TBC1D8: variants seen among roughly 807,000 people sequenced by gnomAD.
TBC1D8 encodes the protein BUB2-like protein 1.
In TBC1D8, 65 loss-of-function variants were observed where a neutral mutation model predicts 118.8. The observed-to-expected ratio is 0.55, with a 90% confidence interval of 0.45 to 0.67. The LOEUF (loss-of-function observed/expected upper bound fraction) is 0.67, where lower values mean the gene tolerates loss of function less well. Ranked by LOEUF, TBC1D8 falls within the 30% of genes least tolerant of loss-of-function variation. TBC1D8 has a pLI of 0.00. For missense variants in TBC1D8, 1,376 were observed against 1,471.2 expected (o/e 0.94, Z 1.06); for synonymous variants, 566 against 595.8 (o/e 0.95, Z 0.73).
chr2:101,008,337 A>AACAT, intron 19 of TBC1D8, 64 bp from the exon 20 acceptor site: 7 of 1,290,112 alleles, frequency 5.4e-6, no homozygotes, highest in Non-Finnish European at 6.2e-6. Flanking sequence ...TTTTTTTTTA[A>AACAT]ACATACCTGT....
At chr2:101,137,215 T>A (rs1271325559) in intron 1 of TBC1D8, among the ~76,000 whole-genome samples, 1 of 152,084 alleles carries the variant, frequency 6.6e-6, no homozygotes, top group Non-Finnish European at 1.5e-5. Flanking sequence ...GTATTTTTAG[T>A]AGAGACGGAG....
In TBC1D8 at chr2:101,050,581, A is replaced by T. The variant is rs777663319; in HGVS notation, c.692T>A (p.Leu231Gln). ...QKLERTSNVFLTDTIRITTQN... is the reference protein window; with the variant it reads ...QKLERTSNVFQTDTIRITTQN... The stretch of plus-strand genomic sequence containing the variant: ...CGTGGTGATTCGGATGGTATCCGTC[A>T]GAAAGACATTGGACGTTCTTTCTAA... Residue 231 changes from leucine to glutamine, a missense_variant, in exon 5 of 20, where the codon CTG becomes CAG. By Grantham distance (113) the Leu-to-Gln change is moderately radical. Coordinates refer to ENST00000409318, the MANE Select transcript of TBC1D8 (RefSeq NM_001330348.2). 2 of 1,613,924 alleles carry T rather than the reference A, an allele frequency of 1.2e-6. No individual in the cohort carries two copies. The highest frequency in any genetic ancestry group is 1.3e-5 in the African/African-American group (1 of 74,932).
Position 101,032,364 on chromosome 2 carries a change from C to G in TBC1D8, c.1840G>C (p.Val614Leu). ...TCCTCCTTGGTGTACAGCAGCAGCA[C>G]GGAGGTCAGGATGTTCATGGACTGC... The part of the protein sequence containing the change: ...YCQSMNILTS[V>L]LLLYTKEEEA... The change falls in exon 11 of 20, where the codon GTG becomes CTG. Residue 614 changes from valine to leucine, a missense_variant. Val to Leu is a conservative substitution (Grantham distance 32). Transcript: ENST00000409318. 6.2e-7 allele frequency: 1 copy of G among 1,613,774 alleles called. No individual in the cohort carries two copies. Among genetic ancestry groups the G allele is most frequent in the Non-Finnish European group, 8.5e-7 (1 of 1,179,724 alleles).
rs1230648841 is a variant in TBC1D8 at position 101,008,283 on chromosome 2, A to C, written c.3016-10T>G. On this transcript the variant is annotated splice_polypyrimidine_tract_variant and intron_variant, in intron 19 of 19. Transcript: ENST00000409318. ...ACTGGATAAATTCTCTCTGAAATTGAAATAAGTCTTAGGTAGCAGCAGAAC... is the reference window on the plus strand; with the variant it reads ...ACTGGATAAATTCTCTCTGAAATTGCAATAAGTCTTAGGTAGCAGCAGAAC... 2.0e-6 allele frequency: 3 copies of C among 1,506,056 alleles called. No individual in the cohort carries two copies. Among genetic ancestry groups the C allele is most frequent in the Admixed American group, 2.2e-5 (1 of 45,340 alleles). The allele number at this position is 1,506,056 out of a possible 1,614,324, so 93.3% of individuals were successfully genotyped here.
intron 1 of TBC1D8, among the ~76,000 whole-genome samples, chr2:101,099,370 A>T (rs1676677858): frequency 6.6e-6 from 1 of 152,208 alleles, no homozygotes; most frequent in African/African-American, 2.4e-5. Flanking sequence ...AGTAATTAAT[A>T]GCCCACCAAC....
chr2:101,048,091 C>T (rs547852398), intron 5 of TBC1D8, among the ~76,000 whole-genome samples: 159 of 152,330 alleles, frequency 1.0e-3, no homozygotes, highest in Non-Finnish European at 1.9e-3. Context: ...TGCACTCACA[C>T]GCCCATGTGC....
chr2:101,017,995 G>A (rs183879714), intron 17 of TBC1D8: 17 of 1,455,418 alleles, frequency 1.2e-5, no homozygotes, highest in African/African-American at 4.2e-5. Flanking sequence ...TCCAATGCTC[G>A]CAATTCTACT....
intron 2 of TBC1D8, among the ~76,000 whole-genome samples, chr2:101,080,265 C>T (rs1270636045): frequency 1.3e-5 from 2 of 152,168 alleles, no homozygotes; most frequent in Admixed American, 1.3e-4. Flanking sequence ...CTCGCATCGC[C>T]TGACCTCAGC....
intron 2 of TBC1D8, among the ~76,000 whole-genome samples, chr2:101,089,923 TTTAA>T (rs1675906018): frequency 8.3e-6 from 1 of 121,184 alleles, no homozygotes; most frequent in African/African-American, 2.9e-5. Flanking sequence ...TTCGATGGTT[TTTAA>T]AAAAAAAAAA....
chr2:101,021,615 C>A (rs1680032364), intron 17 of TBC1D8, 66 bp downstream of exon 17: 6 of 1,096,328 alleles, frequency 5.5e-6, no homozygotes, highest in South Asian at 4.1e-5. Flanking sequence ...GCTTCAGAGT[C>A]ATGCACAAAG....
At chr2:101,083,597 T>C (rs1307860472) in intron 2 of TBC1D8, among the ~76,000 whole-genome samples, 2 of 152,220 alleles carry the variant, frequency 1.3e-5, no homozygotes, top group African/African-American at 4.8e-5. Flanking sequence ...AGTTCACCCA[T>C]GAAGTTATCT....
At chr2:101,136,493 G>A (rs150717951) in intron 1 of TBC1D8, among the ~76,000 whole-genome samples, 1 of 152,224 alleles carries the variant, frequency 6.6e-6, no homozygotes, top group East Asian at 1.9e-4. Context: ...CCAGCCTCAG[G>A]TATTCTAAAG....
Position 101,028,343 on chromosome 2 carries a change from G to A in TBC1D8, c.2312C>T (p.Pro771Leu). ...AFFSDDQEPY[P>L]VTDISDLIRD... ...GATCAGGTCCGAAATATCAGTCACAGGGTAGGGCTCCTGGTCGTCGGAGAA... is the reference window on the plus strand; with the variant it reads ...GATCAGGTCCGAAATATCAGTCACAAGGTAGGGCTCCTGGTCGTCGGAGAA... Residue 771 changes from proline to leucine, a missense_variant, in exon 13 of 20, where the codon CCT becomes CTT. Physicochemically the swap from Pro to Leu is moderately conservative, Grantham distance 98. Transcript: ENST00000409318. 3 of 1,613,026 alleles carry A rather than the reference G, an allele frequency of 1.9e-6. No homozygotes were observed. The highest frequency in any genetic ancestry group is 2.5e-6 in the Non-Finnish European group (3 of 1,179,498).
At chr2:101,061,665 TC>T (rs1682759753) in intron 2 of TBC1D8, among the ~76,000 whole-genome samples, 1 of 151,822 alleles carries the variant, frequency 6.6e-6, no homozygotes, top group African/African-American at 2.4e-5. Context: ...CTGCTGCCCC[TC>T]GGTCCCACCT....
At chr2:101,040,148 T>C (rs1230366253) in intron 6 of TBC1D8, 30 bp downstream of exon 6, 1 of 1,604,874 alleles carries the variant, frequency 6.2e-7, no homozygotes, top group Non-Finnish European at 8.5e-7. Flanking sequence ...AAAAGGCTGC[T>C]TCGGGAAGCA....
Position 101,007,973 on chromosome 2 carries a change from A to G in TBC1D8, c.3316T>C (p.Ser1106Pro). 1 of 1,614,020 alleles carries G rather than the reference A, an allele frequency of 6.2e-7. No homozygotes were observed. Among genetic ancestry groups the G allele is most frequent in the East Asian group, 2.2e-5 (1 of 44,888 alleles). Residue 1106 changes from serine to proline, a missense_variant, in exon 20 of 20, where the codon TCA becomes CCA. Ser to Pro is a moderately conservative substitution (Grantham distance 74). Coordinates refer to ENST00000409318, the MANE Select transcript of TBC1D8 (RefSeq NM_001330348.2). ...WTVSLEHILA[S>P]LLTEQSLVNF... ...ACTAATGACTGTTCAGTCAGAAGTG[A>G]AGCTAAAATATGTTCAAGGGAGACA...
intron 1 of TBC1D8, among the ~76,000 whole-genome samples, chr2:101,141,144 G>A (rs777026703): frequency 4.6e-5 from 7 of 151,914 alleles, no homozygotes; most frequent in Middle Eastern, 3.4e-3. Context: ...ACTACCACCC[G>A]AGACCCAACA....
chr2:101,054,144 G>C lies in TBC1D8; in HGVS notation c.595C>G (p.His199Asp). 6.2e-7 allele frequency: 1 copy of C among 1,613,370 alleles called. No individual in the cohort carries two copies. The highest frequency in any genetic ancestry group is 8.5e-7 in the Non-Finnish European group (1 of 1,179,740). The change falls in exon 4 of 20, where the codon CAC (histidine) becomes GAC (aspartate). Residue 199 changes from histidine (H) to aspartate (D), a missense_variant. By Grantham distance (81) the His-to-Asp change is moderately conservative. Transcript: ENST00000409318. The part of the protein sequence containing the change: ...RQGWLYLSIN[H>D]LCFYSFFLGK... ...AGGAAGAAGGAGTAGAAGCAGAGGTGGTTGATGCTGAGGTACAGCCAGCCC... is the reference window on the plus strand; with the variant it reads ...AGGAAGAAGGAGTAGAAGCAGAGGTCGTTGATGCTGAGGTACAGCCAGCCC...
At chr2:101,055,315 G>A (rs1300595992) in intron 3 of TBC1D8, among the ~76,000 whole-genome samples, 4 of 151,842 alleles carry the variant, frequency 2.6e-5, no homozygotes, top group East Asian at 3.9e-4. Flanking sequence ...CTTGAACCCC[G>A]GAGGCAGAGG....
Sources: gnomAD v4.1 joint callset for allele counts (sites outside exome capture counted in the v4.1 genomes callset) on GRCh38, gnomAD v4.1.1 for gene constraint, MANE v1.5 for transcripts, NCBI Gene and HGNC (gene_info 2026-07-23, HGNC 2026-07-21) for gene names.